Variants in SV2C observed in about 807,000 individuals in gnomAD.
The protein encoded by SV2C is solute carrier family 22 member B3.
Under a neutral mutation model 79.7 loss-of-function variants are expected in SV2C, and 49 were observed. That is an observed-to-expected ratio of 0.61 (90% CI 0.49 to 0.78). The LOEUF (loss-of-function observed/expected upper bound fraction) is 0.78. Among genes scored for constraint, SV2C ranks in the 30% least tolerant of loss-of-function variants. The pLI, the probability that SV2C is intolerant of heterozygous loss-of-function variation, is 0.00. For missense variants in SV2C, 833 were observed against 912.9 expected (o/e 0.91, Z 1.13); for synonymous variants, 334 against 333.2 (o/e 1.00, Z -0.03).
At chr5:75,911,843 T>C in the SV2C span, 3 of 547,448 alleles carry the variant, frequency 5.5e-6, no homozygotes, top group Non-Finnish European at 1.1e-5. Context: ...CAAGAATAGG[T>C]ATCTACAAGT....
the SV2C span, among the ~76,000 whole-genome samples, chr5:76,076,757 CTCTTGCTTTACTAAGCA>C: frequency 5.3e-5 from 8 of 152,188 alleles, no homozygotes; most frequent in Non-Finnish European, 1.2e-4. Flanking sequence ...TAGCCACATT[CTCTTGCTTTACTAAGCA>C]TCAAGGCAAC....
intron 2 of SV2C, among the ~76,000 whole-genome samples, chr5:76,143,390 C>T (rs1414971785): frequency 2.6e-5 from 4 of 152,138 alleles, no homozygotes; most frequent in Admixed American, 6.5e-5. Context: ...CATTCTCCCA[C>T]GTCCAACTCT....
rs183276294 is a variant in SV2C at position 76,223,571 on chromosome 5, A to G, written c.913+13684A>G. Among the ~76,000 whole-genome samples, 202 of 149,052 alleles carry G rather than the reference A, an allele frequency of 1.4e-3. 1 individual carries two copies. Among genetic ancestry groups the G allele is most frequent in the African/African-American group, 4.8e-3 (197 of 40,764 alleles). ...ACATGCTTTATAACCCACATTTGAT[A>G]AATCCTGATTTGATACTTGTGTTTC... is the stretch of plus-strand genomic sequence containing the variant. On this transcript the variant is annotated intron_variant, in intron 4 of 12. Transcript: ENST00000502798.
chr5:76,133,385 C>T (rs74911845), intron 2 of SV2C, among the ~76,000 whole-genome samples: 17,539 of 152,154 alleles, frequency 0.12, 2,763 homozygotes, highest in African/African-American at 0.36. Flanking sequence ...AAACTAGTAA[C>T]TTTATTAAGT....
chr5:76,236,574 TAAAATAA>T lies in SV2C; in HGVS notation c.913+26689_913+26695del, dbSNP rs1376991078. ...GAGACCCTGTATCAAAAAAATAAAA[TAAAATAA>T]AGAGAGAGAGAGAGAAATAGAGAGG... On this transcript the variant is annotated intron_variant, in intron 4 of 12. Transcript: ENST00000502798. Among the ~76,000 whole-genome samples the T allele has an allele frequency of 3.0e-4, 38 of 125,584 alleles. 1 individual carries two copies. Among genetic ancestry groups the T allele is most frequent in the African/African-American group, 1.9e-3 (36 of 19,168 alleles). The allele number at this position is 125,584 out of a possible 152,430, so 82.4% of individuals were successfully genotyped here. A position where few individuals can be genotyped will look rare whatever the true frequency, so the allele number is the denominator to read the frequency against.
the SV2C span, among the ~76,000 whole-genome samples, chr5:76,029,614 G>A: frequency 6.6e-6 from 1 of 152,208 alleles, no homozygotes; most frequent in South Asian, 2.1e-4. Flanking sequence ...AAGTATTTGA[G>A]GCAAAAATTT....
intron 4 of SV2C, among the ~76,000 whole-genome samples, chr5:76,253,745 C>G (rs557329320): frequency 1.3e-5 from 2 of 149,858 alleles, no homozygotes; most frequent in East Asian, 2.0e-4. Flanking sequence ...TTCCTTACTA[C>G]GAAGATTTTA....
intron 1 of SV2C, among the ~76,000 whole-genome samples, chr5:76,085,018 G>T (rs1199309824): frequency 6.6e-6 from 1 of 152,246 alleles, no homozygotes; most frequent in South Asian, 2.1e-4. Flanking sequence ...CCGGGATGCC[G>T]TGATGGTCTC....
chr5:76,269,123 T>A (rs1474963290), intron 4 of SV2C, among the ~76,000 whole-genome samples: 1 of 152,180 alleles, frequency 6.6e-6, no homozygotes. Flanking sequence ...GGATACTTCT[T>A]GTTTGAAGGT....
intron 1 of SV2C, among the ~76,000 whole-genome samples, chr5:76,101,405 AT>A: frequency 6.6e-6 from 1 of 152,252 alleles, no homozygotes; most frequent in African/African-American, 2.4e-5. Flanking sequence ...TAGAGATGAA[AT>A]TCTGTTCTTC....
intron 12 of SV2C, among the ~76,000 whole-genome samples, chr5:76,304,179 G>A (rs181081504): frequency 3.9e-5 from 6 of 152,346 alleles, no homozygotes; most frequent in African/African-American, 9.6e-5. Flanking sequence ...GCTGGCAGAC[G>A]CTCTCCAGCA....
intron 4 of SV2C, among the ~76,000 whole-genome samples, chr5:76,230,735 G>GC (rs1321584947): frequency 2.6e-5 from 4 of 151,852 alleles, no homozygotes; most frequent in Non-Finnish European, 5.9e-5. Flanking sequence ...GTTGCAGTGA[G>GC]CCAAGATTGC....
Position 76,170,822 on chromosome 5 carries a change from C to G in SV2C, c.581-24097C>G, listed in dbSNP as rs568299722. 4.9e-5 allele frequency: 11 copies of G among 223,896 alleles called. 1 individual carries two copies. In the South Asian group the frequency reaches 1.3e-3, roughly 27 times the overall value. The allele number at this position is 223,896 out of a possible 1,614,324, so 13.9% of individuals were successfully genotyped here. A position where few individuals can be genotyped will look rare whatever the true frequency, so the allele number is the denominator to read the frequency against. ...GGGGTCGGTGGCTTAGGGAGCCCGT[C>G]CGGCCATGGTGGCCGCGGGTGGTGG... On this transcript the variant is annotated intron_variant, in intron 2 of 12. Transcript: ENST00000502798.
At chr5:76,085,676 T>C (rs891449479) in intron 1 of SV2C, among the ~76,000 whole-genome samples, 66 of 152,294 alleles carry the variant, frequency 4.3e-4, no homozygotes, top group African/African-American at 1.5e-3. Flanking sequence ...TGGGTTCATC[T>C]TCCACCTCTG....
chr5:75,994,943 A>G, the SV2C span, among the ~76,000 whole-genome samples: 1 of 152,176 alleles, frequency 6.6e-6, no homozygotes, highest in Non-Finnish European at 1.5e-5. Context: ...TCAATGGTGT[A>G]GCTGACCTGA....
intron 1 of SV2C, among the ~76,000 whole-genome samples, chr5:76,086,422 T>TGAC (rs1195138602): frequency 6.6e-6 from 1 of 152,246 alleles, no homozygotes; most frequent in Non-Finnish European, 1.5e-5. Context: ...TTACTCCAGA[T>TGAC]GACGGTAGAT....
At position 76,263,602 on chromosome 5, in the gene SV2C, C is replaced by T. The variant is rs562825476; in HGVS notation, c.914-21560C>T. 9.9e-5 allele frequency among the ~76,000 whole-genome samples: 15 copies of T among 152,140 alleles called. No individual in the cohort carries two copies. In the South Asian group the frequency reaches 1.0e-3, roughly 11 times the overall value. ...GGTATGTTGTTGCAGTGGCTGGTACCGGTTTTTCCTTTCCATATTTAGTGC... is the reference window on the plus strand; with the variant it reads ...GGTATGTTGTTGCAGTGGCTGGTACTGGTTTTTCCTTTCCATATTTAGTGC... On this transcript the variant is annotated intron_variant, in intron 4 of 12. Coordinates refer to ENST00000502798, the MANE Select transcript of SV2C (RefSeq NM_014979.4).
At chr5:76,171,624 C>T (rs1743259617) in intron 2 of SV2C, among the ~76,000 whole-genome samples, 1 of 145,894 alleles carries the variant, frequency 6.9e-6, no homozygotes, top group South Asian at 2.2e-4. Flanking sequence ...GGGGGTCAGC[C>T]CCCCGCCCGG....
intron 2 of SV2C, among the ~76,000 whole-genome samples, chr5:76,181,281 A>G (rs1283003046): frequency 1.3e-5 from 2 of 152,220 alleles, no homozygotes; most frequent in Non-Finnish European, 2.9e-5. Context: ...TCCATGCCGC[A>G]GCAGCAGAGC....
Sources: gnomAD v4.1 joint callset for allele counts (sites outside exome capture counted in the v4.1 genomes callset) on GRCh38, gnomAD v4.1.1 for gene constraint, MANE v1.5 for transcripts, NCBI Gene and HGNC (gene_info 2026-07-23, HGNC 2026-07-21) for gene names.